The following MARCHF1 variants were observed in gnomAD, a reference collection of about 807,000 sequenced individuals.
MARCHF1 encodes membrane associated ring-CH-type finger 1.
A neutral mutation model predicts 54.2 loss-of-function variants in MARCHF1; 40 were observed. The observed-to-expected ratio is 0.74, with a 90% CI of 0.57 to 0.96. MARCHF1 has a LOEUF of 0.96. Among genes scored for constraint, MARCHF1 ranks in the 40% least tolerant of loss-of-function variants. MARCHF1 has a pLI of 0.00. For missense variants in MARCHF1, 586 were observed against 656.5 expected, an observed-to-expected ratio of 0.89 and a Z score of 1.17; for synonymous variants, 236 against 236.3, an observed-to-expected ratio of 1.00 and a Z score of 0.01.
intron 3 of MARCHF1, among the ~76,000 whole-genome samples, chr4:163,877,048 G>A (rs1385661755): frequency 6.6e-6 from 1 of 151,984 alleles, no homozygotes; most frequent in Non-Finnish European, 1.5e-5. Flanking sequence ...GTAGAAAGTA[G>A]TCCCCAAATC....
intron 2 of MARCHF1, among the ~76,000 whole-genome samples, chr4:164,073,636 TAAAA>T (rs1227455252): frequency 6.6e-6 from 1 of 151,930 alleles, no homozygotes; most frequent in Non-Finnish European, 1.5e-5. Context: ...TAAAGTTTAA[TAAAA>T]ATAAATAAAT....
intron 1 of MARCHF1, among the ~76,000 whole-genome samples, chr4:164,208,244 A>C (rs150876816): frequency 1.0e-3 from 158 of 152,312 alleles, no homozygotes; most frequent in African/African-American, 3.6e-3. Flanking sequence ...AACTCAGGTG[A>C]AATGGAAAGG....
intron 2 of MARCHF1, among the ~76,000 whole-genome samples, chr4:163,992,655 G>T (rs1429997766): frequency 6.6e-6 from 1 of 151,000 alleles, no homozygotes; most frequent in Admixed American, 6.6e-5. Context: ...TAGTTATTAG[G>T]ATCACCACTT....
chr4:164,110,679 T>C (rs529429486), intron 2 of MARCHF1, among the ~76,000 whole-genome samples: 2 of 147,918 alleles, frequency 1.4e-5, no homozygotes, highest in African/African-American at 5.0e-5. Context: ...ATATTTTTTT[T>C]CTCTTGTGAA....
At chr4:163,677,245 T>A (rs989254647) in intron 5 of MARCHF1, among the ~76,000 whole-genome samples, 2 of 152,232 alleles carry the variant, frequency 1.3e-5, no homozygotes, top group African/African-American at 4.8e-5. Context: ...TTAGATCATG[T>A]CATTTCCCTA....
intron 4 of MARCHF1, among the ~76,000 whole-genome samples, chr4:163,798,187 T>G (rs371635556): frequency 4.6e-5 from 7 of 152,240 alleles, no homozygotes; most frequent in African/African-American, 1.7e-4. Flanking sequence ...ACACGTGCCT[T>G]ATACAAAGAG....
chr4:164,102,828 TAA>T (rs1020846554), intron 2 of MARCHF1, among the ~76,000 whole-genome samples: 18 of 127,946 alleles, frequency 1.4e-4, no homozygotes, highest in Non-Finnish European at 2.5e-4. Context: ...GCAAATTGGA[TAA>T]AGAGTCAAGA....
intron 3 of MARCHF1, among the ~76,000 whole-genome samples, chr4:163,904,717 A>C (rs1271201371): frequency 6.6e-6 from 1 of 151,714 alleles, no homozygotes; most frequent in Non-Finnish European, 1.5e-5. Flanking sequence ...TTTTTACTTG[A>C]AGGAGTTTAT....
chr4:163,534,127 A>T (rs1159748056), intron 9 of MARCHF1, among the ~76,000 whole-genome samples: 1 of 152,062 alleles, frequency 6.6e-6, no homozygotes, highest in East Asian at 1.9e-4. Flanking sequence ...CGCTCTTTAC[A>T]ATAAACTTCT....
chr4:164,000,135 GC>G (rs1753157831), intron 2 of MARCHF1, among the ~76,000 whole-genome samples: 1 of 151,542 alleles, frequency 6.6e-6, no homozygotes, highest in Non-Finnish European at 1.5e-5. Context: ...TCAGATCAAG[GC>G]ACTCTATAGT....
chr4:163,622,442 G>GA (rs113206751), intron 5 of MARCHF1, among the ~76,000 whole-genome samples: 10,906 of 146,786 alleles, frequency 0.074, 588 homozygotes, highest in East Asian at 0.2. Flanking sequence ...CAGATCTTTT[G>GA]AAAAAAAAAA....
intron 1 of MARCHF1, among the ~76,000 whole-genome samples, chr4:164,149,673 A>C (rs77432288): frequency 0.19 from 28,972 of 152,050 alleles, 4,394 homozygotes; most frequent in African/African-American, 0.41. Context: ...AGTAGTAAAA[A>C]TTCCTGGTTT....
chr4:163,750,442 C>T (rs1287777053), intron 4 of MARCHF1, among the ~76,000 whole-genome samples: 7 of 151,464 alleles, frequency 4.6e-5, no homozygotes, highest in Non-Finnish European at 7.4e-5. Flanking sequence ...ACCCAGGAGG[C>T]GGAGGTTGCA....
chr4:164,107,604 C>T (rs1310963037), intron 2 of MARCHF1, among the ~76,000 whole-genome samples: 1 of 152,034 alleles, frequency 6.6e-6, no homozygotes, highest in African/African-American at 2.4e-5. Context: ...CTCAAGTAAT[C>T]CACCCACTTC....
intron 1 of MARCHF1, among the ~76,000 whole-genome samples, chr4:164,135,918 C>T (rs13139360): frequency 7.2e-5 from 11 of 152,042 alleles, no homozygotes; most frequent in Non-Finnish European, 1.2e-4. Context: ...CTAGATTCTT[C>T]TAAAGGCCCA....
intron 2 of MARCHF1, among the ~76,000 whole-genome samples, chr4:164,038,522 T>C (rs1754059432): frequency 6.6e-6 from 1 of 152,060 alleles, no homozygotes; most frequent in Non-Finnish European, 1.5e-5. Flanking sequence ...AAATAAAATA[T>C]AAATAAAAAT....
chr4:163,914,002 TTTTTC>T (rs1408746043), intron 3 of MARCHF1, among the ~76,000 whole-genome samples: 6 of 152,186 alleles, frequency 3.9e-5, no homozygotes, highest in Non-Finnish European at 7.3e-5. Flanking sequence ...TTCTTTTTTT[TTTTTC>T]TTTGTCTATT....
chr4:164,253,686 A>G (rs1304350495), intron 1 of MARCHF1, among the ~76,000 whole-genome samples: 2 of 152,136 alleles, frequency 1.3e-5, no homozygotes, highest in Non-Finnish European at 2.9e-5. Context: ...CATTGATTCT[A>G]GAGAAATGAA....
At chr4:163,938,351 A>G (rs1269224299) in intron 3 of MARCHF1, among the ~76,000 whole-genome samples, 3 of 152,214 alleles carry the variant, frequency 2.0e-5, no homozygotes, top group African/African-American at 7.2e-5. Flanking sequence ...GATGTAAGGC[A>G]TTCAATCACT....
Sources: gnomAD v4.1 joint callset for allele counts (sites outside exome capture counted in the v4.1 genomes callset) on GRCh38, gnomAD v4.1.1 for gene constraint, MANE v1.5 for transcripts, NCBI Gene and HGNC (gene_info 2026-07-23, HGNC 2026-07-21) for gene names.